The following IL1RAPL1 variants were observed in gnomAD, a reference collection of about 807,000 sequenced individuals.
The protein encoded by IL1RAPL1 is interleukin-1 receptor accessory protein-like 1.
Under a neutral mutation model 48.4 loss-of-function variants are expected in IL1RAPL1, and 3 were observed. That is an observed-to-expected ratio of 0.06 (90% CI 0.03 to 0.16). The LOEUF is 0.16. Ranked by LOEUF, IL1RAPL1 falls within the 10% of genes least tolerant of loss-of-function variation. IL1RAPL1 has a pLI of 1.00. For synonymous variants in IL1RAPL1, 185 were observed against 187.7 expected, an observed-to-expected ratio of 0.99 and a Z score of 0.12; for missense variants, 349 against 530.6, an observed-to-expected ratio of 0.66 and a Z score of 3.36.
chrX:29,132,258 A>G (rs990853866), intron 2 of IL1RAPL1, among the ~76,000 whole-genome samples: 1 of 111,702 alleles, frequency 9.0e-6, no homozygotes, highest in Non-Finnish European at 1.9e-5. Context: ...TAATACAGTC[A>G]TATGCCACAT....
chrX:29,154,355 C>A (rs1200218601), intron 2 of IL1RAPL1, among the ~76,000 whole-genome samples: 3 of 111,023 alleles, frequency 2.7e-5, no homozygotes, highest in Non-Finnish European at 3.8e-5. Context: ...GCCTGGCCAA[C>A]ATGGTGAAAC....
chrX:29,216,900 C>T (rs1158301963), intron 2 of IL1RAPL1, among the ~76,000 whole-genome samples: 4 of 111,863 alleles, frequency 3.6e-5, no homozygotes, highest in Admixed American at 2.9e-4. Context: ...GAGGCCAAAA[C>T]GGTGACTATG....
At chrX:29,361,205 C>G (rs950979117) in intron 3 of IL1RAPL1, among the ~76,000 whole-genome samples, 1 of 111,642 alleles carries the variant, frequency 9.0e-6, no homozygotes, top group Non-Finnish European at 1.9e-5. Context: ...AGTATAGAAT[C>G]TAGCTCTATG....
intron 2 of IL1RAPL1, among the ~76,000 whole-genome samples, chrX:28,934,186 G>C (rs758758820): frequency 7.2e-5 from 8 of 110,697 alleles, no homozygotes; most frequent in Non-Finnish European, 1.5e-4. Context: ...AGTCACTCTG[G>C]TTCGAACACC....
intron 5 of IL1RAPL1, among the ~76,000 whole-genome samples, chrX:29,405,397 C>T (rs1177581656): frequency 3.2e-5 from 3 of 93,971 alleles, no homozygotes; most frequent in East Asian, 3.0e-4. Flanking sequence ...GACAGAGTCT[C>T]GCTCTGTCGC....
At chrX:28,789,523 A>C (rs1647883622) in intron 2 of IL1RAPL1, 98 bp downstream of exon 2, 1 of 605,746 alleles carries the variant, frequency 1.7e-6, no homozygotes, top group East Asian at 3.4e-5. Context: ...GAGAATGATC[A>C]GTTATCAATA....
Position 29,898,418 on chromosome X carries a change from C to T in IL1RAPL1, c.779-19046C>T, listed in dbSNP as rs766554110. ...GCATCGTATCAGCAACACTTGCCATCGACCATTAAATGTGAGGAATTCCAA... is the reference window on the plus strand; with the variant it reads ...GCATCGTATCAGCAACACTTGCCATTGACCATTAAATGTGAGGAATTCCAA... On this transcript the variant is annotated intron_variant, in intron 6 of 10. Transcript: ENST00000378993. 3.0e-4 allele frequency among the ~76,000 whole-genome samples: 33 copies of T among 111,040 alleles called. 1 individual carries two copies. Among genetic ancestry groups the T allele is most frequent in the East Asian group, 2.8e-4 (1 of 3,552 alleles).
chrX:28,695,589 A>G (rs1935221042), intron 1 of IL1RAPL1, among the ~76,000 whole-genome samples: 1 of 112,145 alleles, frequency 8.9e-6, no homozygotes. Context: ...AAAATAAGAT[A>G]GTGAAAGTTT....
At chrX:28,622,144 G>A (rs1181705258) in intron 1 of IL1RAPL1, among the ~76,000 whole-genome samples, 1 of 111,335 alleles carries the variant, frequency 9.0e-6, no homozygotes, top group Non-Finnish European at 1.9e-5. Context: ...TATAAACCAT[G>A]GGCAAATCGT....
intron 6 of IL1RAPL1, among the ~76,000 whole-genome samples, chrX:29,695,131 T>C (rs1926876019): frequency 8.9e-6 from 1 of 112,118 alleles, no homozygotes; most frequent in African/African-American, 3.2e-5. Flanking sequence ...GTATCTAACA[T>C]TTACTGAGGA....
intron 3 of IL1RAPL1, among the ~76,000 whole-genome samples, chrX:29,380,561 G>T (rs1933684067): frequency 8.9e-6 from 1 of 112,128 alleles, no homozygotes; most frequent in Admixed American, 9.4e-5. Context: ...AATTCCTATG[G>T]ATAACAAAGA....
intron 6 of IL1RAPL1, among the ~76,000 whole-genome samples, chrX:29,796,859 C>A (rs1381738532): frequency 8.9e-6 from 1 of 112,656 alleles, no homozygotes; most frequent in Admixed American, 9.4e-5. Flanking sequence ...GCCACACAGT[C>A]TTTCCTCTTG....
At chrX:29,915,396 GAAA>G (rs1206936154) in intron 6 of IL1RAPL1, among the ~76,000 whole-genome samples, 1 of 111,840 alleles carries the variant, frequency 8.9e-6, no homozygotes, top group African/African-American at 3.2e-5. Context: ...TGCCATATTA[GAAA>G]TATTAGAAGA....
At chrX:29,761,938 T>G (rs1928762460) in intron 6 of IL1RAPL1, among the ~76,000 whole-genome samples, 1 of 112,039 alleles carries the variant, frequency 8.9e-6, no homozygotes, top group South Asian at 3.7e-4. Flanking sequence ...AGGCACTGAA[T>G]TCGTTCTTGA....
At chrX:28,788,974 T>G (rs1163513910) in intron 1 of IL1RAPL1, among the ~76,000 whole-genome samples, 1 of 111,822 alleles carries the variant, frequency 8.9e-6, no homozygotes, top group Non-Finnish European at 1.9e-5. Flanking sequence ...TGGATGATTT[T>G]TATTAAGATA....
chrX:28,736,477 G>C (rs1304731035), intron 1 of IL1RAPL1, among the ~76,000 whole-genome samples: 1 of 110,348 alleles, frequency 9.1e-6, no homozygotes, highest in Non-Finnish European at 1.9e-5. Context: ...TCATGAAAAG[G>C]TTCTCTCTTG....
intron 2 of IL1RAPL1, among the ~76,000 whole-genome samples, chrX:29,160,413 T>C (rs1326456984): frequency 8.9e-6 from 1 of 111,907 alleles, no homozygotes; most frequent in African/African-American, 3.2e-5. Flanking sequence ...TTGTGTTCTA[T>C]GAAAGTATCT....
At chrX:29,530,341 G>A (rs923035486) in intron 5 of IL1RAPL1, among the ~76,000 whole-genome samples, 2 of 111,385 alleles carry the variant, frequency 1.8e-5, no homozygotes, top group Non-Finnish European at 3.8e-5. Flanking sequence ...GGAAATACCA[G>A]GAGATGTTAG....
intron 6 of IL1RAPL1, among the ~76,000 whole-genome samples, chrX:29,803,651 GTA>G (rs1027098531): frequency 5.8e-5 from 6 of 103,276 alleles, no homozygotes; most frequent in South Asian, 4.4e-4. Context: ...ATACACGCGT[GTA>G]TATATATACA....
Sources: allele counts gnomAD v4.1 joint callset (sites outside exome capture counted in the v4.1 genomes callset), GRCh38; gene constraint gnomAD v4.1.1; transcripts MANE v1.5; gene names NCBI Gene and HGNC (gene_info 2026-07-23, HGNC 2026-07-21).